The following RSRC1 variants were observed in gnomAD, a reference collection of about 807,000 sequenced individuals.
RSRC1 encodes serine/Arginine-related protein 53.
RSRC1 carries 39 observed loss-of-function variants against 49.1 expected under a neutral mutation model. The ratio of observed to expected loss-of-function variants is 0.79; its 90% CI spans 0.61 to 1.04. The LOEUF is 1.04. RSRC1 is among the 50% of genes least tolerant of loss of function. RSRC1 has a pLI of 0.00. For missense variants in RSRC1, 388 were observed against 402.4 expected, an observed-to-expected ratio of 0.96 and a Z score of 0.31; for synonymous variants, 143 against 130.8, an observed-to-expected ratio of 1.09 and a Z score of -0.63.
chr3:158,390,845 A>ATTTG (rs747238453), intron 6 of RSRC1, among the ~76,000 whole-genome samples: 52 of 152,312 alleles, frequency 3.4e-4, no homozygotes, highest in Non-Finnish European at 6.3e-4. Flanking sequence ...CATTGATGTT[A>ATTTG]TTTGAAAGGA....
chr3:158,406,930 A>C (rs1023247058), intron 6 of RSRC1, among the ~76,000 whole-genome samples: 1 of 152,090 alleles, frequency 6.6e-6, no homozygotes, highest in Non-Finnish European at 1.5e-5. Context: ...CTGGAGATTT[A>C]AAGAAGATCG....
rs181443432 is a variant in RSRC1, at chr3:158,260,406, T to C, written c.495-37633T>C. On this transcript the variant is annotated intron_variant, in intron 4 of 9. Coordinates refer to ENST00000611884, the MANE Select transcript of RSRC1 (RefSeq NM_001271838.2). ...CCTCAGGATTCTGCCTGGTGGCCTA[T>C]TCTGCTGTGGCCGAGTTGGTATCCC... 1.7e-3 allele frequency among the ~76,000 whole-genome samples: 255 copies of C among 152,280 alleles called. 2 individuals carry two copies. Among genetic ancestry groups the C allele is most frequent in the Non-Finnish European group, 1.7e-3 (114 of 68,022 alleles).
At chr3:158,210,828 A>C (rs188566246) in intron 4 of RSRC1, among the ~76,000 whole-genome samples, 56 of 152,132 alleles carry the variant, frequency 3.7e-4, no homozygotes, top group African/African-American at 1.3e-3. Flanking sequence ...CAAGGTAACC[A>C]CCTTTCTTTT....
At chr3:158,278,364 T>C (rs906218589) in intron 4 of RSRC1, among the ~76,000 whole-genome samples, 4 of 152,256 alleles carry the variant, frequency 2.6e-5, no homozygotes, top group African/African-American at 9.6e-5. Context: ...CCGCTCTCTG[T>C]TGTTAACTAC....
intron 3 of RSRC1, among the ~76,000 whole-genome samples, chr3:158,177,724 A>G (rs1028871686): frequency 6.6e-6 from 1 of 152,146 alleles, no homozygotes; most frequent in African/African-American, 2.4e-5. Context: ...GAAAACCAAC[A>G]TGGCACATGT....
Position 158,192,223 on chromosome 3 carries a change from GT to G in RSRC1, c.321-10845del, listed in dbSNP as rs376573039. ...CTGTGCATACTGTGCATACTGTGAT[GT>G]TTTAAAACTTACTGCTTTCTTTGAA... is the stretch of plus-strand genomic sequence containing the variant. On this transcript the variant is annotated intron_variant, in intron 3 of 9. Transcript: ENST00000611884. Among the ~76,000 whole-genome samples the G allele has an allele frequency of 1.2e-3, 185 of 152,146 alleles. 2 individuals are homozygous for G. In the East Asian group the frequency reaches 0.035, roughly 28 times the overall value.
At chr3:158,349,114 G>C (rs527768316) in intron 5 of RSRC1, among the ~76,000 whole-genome samples, 1 of 152,078 alleles carries the variant, frequency 6.6e-6, no homozygotes, top group East Asian at 1.9e-4. Context: ...TTGAATGGTG[G>C]TTCTATTTTT....
chr3:158,228,991 T>TGTATATGTGTGTATAAACACACAC (rs1396942276), intron 4 of RSRC1, among the ~76,000 whole-genome samples: 3 of 68,816 alleles, frequency 4.4e-5, no homozygotes, highest in South Asian at 5.5e-4. Flanking sequence ...TAAACACACA[T>TGTATATGTGTGTATAAACACACAC]ACGTGTATAT....
intron 3 of RSRC1, among the ~76,000 whole-genome samples, chr3:158,198,316 C>A (rs978801744): frequency 2.0e-5 from 3 of 152,078 alleles, no homozygotes; most frequent in African/African-American, 7.2e-5. Context: ...ATTGCAACCC[C>A]TGCCTTTTTT....
chr3:158,386,933 GACA>G (rs1733000056), intron 6 of RSRC1, among the ~76,000 whole-genome samples: 1 of 151,872 alleles, frequency 6.6e-6, no homozygotes, highest in Non-Finnish European at 1.5e-5. Flanking sequence ...ATTTTGAGCA[GACA>G]ACAATGAAAT....
intron 6 of RSRC1, among the ~76,000 whole-genome samples, chr3:158,430,162 G>A (rs1173149169): frequency 6.6e-6 from 1 of 151,868 alleles, no homozygotes; most frequent in Admixed American, 6.6e-5. Flanking sequence ...GGTGATGGTG[G>A]TGGCAGTAGC....
At chr3:158,189,860 A>G (rs1578178818) in intron 3 of RSRC1, among the ~76,000 whole-genome samples, 2 of 151,030 alleles carry the variant, frequency 1.3e-5, no homozygotes, top group South Asian at 2.1e-4. Flanking sequence ...TTTCTTCTCT[A>G]TTAGGTGACT....
intron 7 of RSRC1, among the ~76,000 whole-genome samples, chr3:158,470,843 A>T (rs904645413): frequency 2.6e-5 from 4 of 152,188 alleles, no homozygotes; most frequent in African/African-American, 9.6e-5. Flanking sequence ...ATTCTCTGTC[A>T]TTCCCTATTA....
At chr3:158,182,430 T>C (rs949245253) in intron 3 of RSRC1, among the ~76,000 whole-genome samples, 5 of 152,204 alleles carry the variant, frequency 3.3e-5, no homozygotes, top group Non-Finnish European at 2.9e-5. Context: ...TAAATTTTAC[T>C]TTAAATCCCT....
intron 4 of RSRC1, among the ~76,000 whole-genome samples, chr3:158,265,104 C>T (rs959076647): frequency 6.6e-6 from 1 of 152,198 alleles, no homozygotes; most frequent in Non-Finnish European, 1.5e-5. Flanking sequence ...GTTTGCCAAG[C>T]TCTACTTGAG....
At chr3:158,110,781 T>C (rs1487092400) in intron 1 of RSRC1, among the ~76,000 whole-genome samples, 1 of 152,200 alleles carries the variant, frequency 6.6e-6, no homozygotes, top group Non-Finnish European at 1.5e-5. Context: ...AATATAAATA[T>C]GCTCGCCTTA....
chr3:158,168,471 G>A (rs1202101383), intron 3 of RSRC1, among the ~76,000 whole-genome samples: 1 of 152,184 alleles, frequency 6.6e-6, no homozygotes, highest in Non-Finnish European at 1.5e-5. Context: ...GAGAACAAGA[G>A]TGGTTTTTCC....
At chr3:158,448,757 T>G (rs1736866684) in intron 6 of RSRC1, among the ~76,000 whole-genome samples, 1 of 151,834 alleles carries the variant, frequency 6.6e-6, no homozygotes, top group Non-Finnish European at 1.5e-5. Flanking sequence ...TCCCCAACAA[T>G]AAAAAGAAAG....
intron 6 of RSRC1, among the ~76,000 whole-genome samples, chr3:158,437,336 G>T (rs1180550553): frequency 6.6e-6 from 1 of 151,970 alleles, no homozygotes; most frequent in Non-Finnish European, 1.5e-5. Context: ...GGTTAATTTA[G>T]TAAGCACACA....
Sources: allele counts gnomAD v4.1 joint callset (sites outside exome capture counted in the v4.1 genomes callset), GRCh38; gene constraint gnomAD v4.1.1; transcripts MANE v1.5; gene names NCBI Gene and HGNC (gene_info 2026-07-23, HGNC 2026-07-21).